GPC6: variants seen among roughly 807,000 people sequenced by gnomAD.
The protein encoded by GPC6 is glypican 6.
In GPC6, 14 loss-of-function variants were observed where a neutral mutation model predicts 55.2. The observed-to-expected ratio is 0.25, with a 90% confidence interval of 0.17 to 0.40. GPC6 has a LOEUF of 0.40. GPC6 is among the 10% of genes least tolerant of loss of function. The probability of loss-of-function intolerance (pLI) is 1.00; values close to 1 mark genes in which losing one functional copy is unlikely to be tolerated. For missense variants in GPC6, 641 were observed against 708.5 expected (o/e 0.90, Z 1.08); for synonymous variants, 278 against 259.6 (o/e 1.07, Z -0.68).
chr13:94,156,467 A>G (rs1400163227), intron 4 of GPC6, among the ~76,000 whole-genome samples: 1 of 152,176 alleles, frequency 6.6e-6, no homozygotes, highest in Non-Finnish European at 1.5e-5. Flanking sequence ...CAAACATGTG[A>G]TCCAACAGGT....
Position 93,549,783 on chromosome 13 carries a change from T to C in GPC6, c.319+4362T>C, listed in dbSNP as rs1003274489. Among the ~76,000 whole-genome samples the C allele has an allele frequency of 1.1e-4, 17 of 152,062 alleles. 1 individual carries two copies. Among genetic ancestry groups the C allele is most frequent in the African/African-American group, 4.1e-4 (17 of 41,418 alleles). Reference sequence around the variant, plus strand: ...TTTTAACTCCTACAAAAAAAAAAATTACCCACCTAAATATAGTCCAGCCCT... The same window carrying C: ...TTTTAACTCCTACAAAAAAAAAAATCACCCACCTAAATATAGTCCAGCCCT... On this transcript the variant is annotated intron_variant, in intron 2 of 8. Coordinates refer to ENST00000377047, the MANE Select transcript of GPC6 (RefSeq NM_005708.5).
chr13:93,460,033 A>G (rs1878621639), intron 1 of GPC6, among the ~76,000 whole-genome samples: 2 of 152,128 alleles, frequency 1.3e-5, no homozygotes, highest in Admixed American at 6.6e-5. Context: ...ACCATTATCT[A>G]CCTTATGGTT....
chr13:94,209,019 A>G (rs1889993176), intron 4 of GPC6, among the ~76,000 whole-genome samples: 1 of 152,154 alleles, frequency 6.6e-6, no homozygotes, highest in Non-Finnish European at 1.5e-5. Context: ...TATATTCATT[A>G]CATGTATTAT....
At chr13:93,416,634 C>T (rs1234338643) in intron 1 of GPC6, among the ~76,000 whole-genome samples, 1 of 152,064 alleles carries the variant, frequency 6.6e-6, no homozygotes, top group Non-Finnish European at 1.5e-5. Context: ...AATTGTAGGT[C>T]TTATACATTC....
intron 3 of GPC6, among the ~76,000 whole-genome samples, chr13:93,874,958 G>A (rs1392234593): frequency 1.3e-5 from 2 of 151,900 alleles, no homozygotes; most frequent in Admixed American, 1.3e-4. Context: ...CACACGTCTA[G>A]GAGGGAAGAG....
chr13:94,126,653 G>C (rs1387585445), intron 4 of GPC6, among the ~76,000 whole-genome samples: 2 of 152,082 alleles, frequency 1.3e-5, no homozygotes, highest in Non-Finnish European at 2.9e-5. Flanking sequence ...AATAGGAGGA[G>C]AAATAAGTAA....
intron 6 of GPC6, among the ~76,000 whole-genome samples, chr13:94,323,720 T>G (rs918911803): frequency 2.0e-5 from 3 of 152,206 alleles, no homozygotes; most frequent in African/African-American, 7.2e-5. Flanking sequence ...AAGATTGCAC[T>G]TGAACCCTTT....
At chr13:94,078,137 G>T (rs921829049) in intron 4 of GPC6, among the ~76,000 whole-genome samples, 1 of 151,932 alleles carries the variant, frequency 6.6e-6, no homozygotes, top group Non-Finnish European at 1.5e-5. Context: ...CAAATATGTG[G>T]AAATTTAATA....
intron 3 of GPC6, among the ~76,000 whole-genome samples, chr13:93,899,414 A>T (rs938763649): frequency 3.9e-5 from 6 of 151,928 alleles, no homozygotes; most frequent in Non-Finnish European, 8.8e-5. Context: ...AGAGTCTTGA[A>T]GGATGGGTAA....
At chr13:94,095,598 G>C (rs1885629444) in intron 4 of GPC6, among the ~76,000 whole-genome samples, 1 of 152,142 alleles carries the variant, frequency 6.6e-6, no homozygotes, top group South Asian at 2.1e-4. Flanking sequence ...CACATTTCAA[G>C]TGATCAGTAG....
intron 3 of GPC6, among the ~76,000 whole-genome samples, chr13:93,969,970 C>T (rs1325579590): frequency 1.3e-5 from 2 of 152,138 alleles, no homozygotes; most frequent in Non-Finnish European, 2.9e-5. Context: ...TGATTATGTT[C>T]ATTCTCCAGG....
chr13:93,327,937 T>A (rs1879713609), intron 1 of GPC6, among the ~76,000 whole-genome samples: 1 of 152,010 alleles, frequency 6.6e-6, no homozygotes, highest in Admixed American at 6.6e-5. Context: ...TAGAACTGAC[T>A]CCTCAGATTC....
chr13:94,104,447 A>G (rs1252057240), intron 4 of GPC6, among the ~76,000 whole-genome samples: 1 of 152,200 alleles, frequency 6.6e-6, no homozygotes, highest in Non-Finnish European at 1.5e-5. Context: ...CCTATTCAAC[A>G]TAGTGTTGGA....
intron 2 of GPC6, among the ~76,000 whole-genome samples, chr13:93,675,666 G>C (rs1881559346): frequency 6.6e-6 from 1 of 152,072 alleles, no homozygotes; most frequent in Non-Finnish European, 1.5e-5. Context: ...GCATCAAACA[G>C]TATGTCCATT....
chr13:93,225,508 GTTTTTT>G (rs66479937), upstream of GPC6, among the ~76,000 whole-genome samples: 579 of 151,144 alleles, frequency 3.8e-3, 6 homozygotes, highest in East Asian at 0.011. Flanking sequence ...GTTTTGTTTT[GTTTTTT>G]TTTTTTTTGG....
intron 2 of GPC6, 48 bp downstream of exon 2, chr13:93,545,469 A>T (rs538019024): frequency 6.8e-7 from 1 of 1,466,626 alleles, no homozygotes; most frequent in East Asian, 2.3e-5. Context: ...GCACTTTTCT[A>T]TGAGAATCTT....
chr13:93,711,184 TCTAA>T (rs953311058), intron 2 of GPC6, among the ~76,000 whole-genome samples: 3 of 151,776 alleles, frequency 2.0e-5, no homozygotes, highest in African/African-American at 7.2e-5. Context: ...ACATTAAAAC[TCTAA>T]CTAAATGTTT....
At chr13:93,805,286 A>G (rs1232235061) in intron 2 of GPC6, among the ~76,000 whole-genome samples, 1 of 152,180 alleles carries the variant, frequency 6.6e-6, no homozygotes, top group East Asian at 1.9e-4. Flanking sequence ...TATTACACTT[A>G]TATAGTACAT....
intron 1 of GPC6, among the ~76,000 whole-genome samples, chr13:93,416,423 A>G (rs989956609): frequency 1.3e-5 from 2 of 152,064 alleles, no homozygotes; most frequent in Non-Finnish European, 2.9e-5. Flanking sequence ...GTGAATACAC[A>G]GTAGGTATAT....
Sources: allele counts gnomAD v4.1 joint callset (sites outside exome capture counted in the v4.1 genomes callset), GRCh38; gene constraint gnomAD v4.1.1; transcripts MANE v1.5; gene names NCBI Gene and HGNC (gene_info 2026-07-23, HGNC 2026-07-21).